Variants in PCDHGB4 observed in about 807,000 individuals in gnomAD.
PCDHGB4 encodes protocadherin gamma subfamily B, 4.
In PCDHGB4, 38 loss-of-function variants were observed where a neutral mutation model predicts 60.5. The observed-to-expected ratio is 0.63, with a 90% CI of 0.48 to 0.82. PCDHGB4 has a LOEUF of 0.82. Among genes scored for constraint, PCDHGB4 ranks in the 40% least tolerant of loss-of-function variants. The probability of loss-of-function intolerance (pLI) is 0.00; values close to 1 mark genes in which losing one functional copy is unlikely to be tolerated. For missense variants in PCDHGB4, 1,109 were observed against 1,209.6 expected (o/e 0.92, Z 1.23); for synonymous variants, 456 against 509.7 (o/e 0.89, Z 1.42).
In PCDHGB4 at chr5:141,512,223, C is replaced by G. The variant is rs1321595614; in HGVS notation, c.*1050C>G. 6.5e-6 allele frequency: 1 copy of G among 152,728 alleles called. No individual in the cohort carries two copies. The highest frequency in any genetic ancestry group is 1.5e-5 in the Non-Finnish European group (1 of 68,110). 9.5% of individuals were successfully genotyped at this position (152,728 alleles called of 1,614,324 possible). ...CTCGAAGCAGGTTTAGGACCAGGTC[C>G]CCTTGAGAGGTCAGAGGGGCCTCTG... On this transcript the variant is annotated 3_prime_UTR_variant, in exon 4 of 4. Transcript: ENST00000519479.
At chr5:141,392,654 A>G (rs2092571814) in intron 1 of PCDHGB4, 1 of 734,690 alleles carries the variant, frequency 1.4e-6, no homozygotes, top group Admixed American at 3.4e-5. Flanking sequence ...AGACCCGCAG[A>G]TGCCACAAAC....
chr5:141,489,077 C>G lies in PCDHGB4; in HGVS notation c.2398-5730C>G, dbSNP rs957205894. On this transcript the variant is annotated intron_variant, in intron 1 of 3. Coordinates refer to ENST00000519479, the MANE Select transcript of PCDHGB4 (RefSeq NM_003736.4). The surrounding 1 kb of genome is among the most constrained non-coding windows in gnomAD (Gnocchi z 4.5). The stretch of plus-strand genomic sequence containing the variant: ...AGCTCCCCTCCCCCCTGCCCACCCC[C>G]GCCACTCGGTGACTAAGAACTGCTG... 7 of 325,684 alleles carry G rather than the reference C, an allele frequency of 2.1e-5. No homozygotes were observed. Among genetic ancestry groups the G allele is most frequent in the Non-Finnish European group, 3.9e-5 (7 of 181,468 alleles). The allele number at this position is 325,684 out of a possible 1,614,324, so 20.2% of individuals were successfully genotyped here.
intron 1 of PCDHGB4, chr5:141,422,014 C>T (rs1472942387): frequency 1.9e-6 from 3 of 1,610,040 alleles, no homozygotes; most frequent in African/African-American, 1.3e-5. Flanking sequence ...AACTCGGGTG[C>T]TGATGGTTAA....
rs557973676 is a variant in PCDHGB4, at chr5:141,429,315, T to C, written c.2397+39034T>C. 9.2e-5 allele frequency among the ~76,000 whole-genome samples: 14 copies of C among 152,298 alleles called. No individual in the cohort carries two copies. In the South Asian group the frequency reaches 2.9e-3, roughly 32 times the overall value. ...ACATCAATATTTGAGTATATAAGGC[T>C]TTTTCTTTAATCCATTAACTATAAA... On this transcript the variant is annotated intron_variant, in intron 1 of 3. Transcript: ENST00000519479.
chr5:141,478,017 T>C lies in PCDHGB4; in HGVS notation c.2398-16790T>C, dbSNP rs776415195. ...GGTCAAATCAGTACTGCCCGTCCAG[T>C]CCAAGACACAGATTCACCCAGGCAG... On this transcript the variant is annotated intron_variant, in intron 1 of 3. Transcript: ENST00000519479. 15 of 1,613,910 alleles carry C rather than the reference T, an allele frequency of 9.3e-6. No homozygotes were observed. In the African/African-American group the frequency reaches 1.9e-4, roughly 20 times the overall value.
At chr5:141,413,179 G>C in intron 1 of PCDHGB4, 1 of 1,602,658 alleles carries the variant, frequency 6.2e-7, no homozygotes. Context: ...GACTACAATG[G>C]CCGCTCAAAG....
chr5:141,463,644 G>C (rs1356692609), intron 1 of PCDHGB4, among the ~76,000 whole-genome samples: 1 of 151,596 alleles, frequency 6.6e-6, no homozygotes, highest in Non-Finnish European at 1.5e-5. Context: ...GTAGAGACGG[G>C]GTTTCACCGT....
intron 1 of PCDHGB4, among the ~76,000 whole-genome samples, chr5:141,456,808 C>CA (rs1316636483): frequency 6.6e-5 from 10 of 151,878 alleles, no homozygotes; most frequent in Admixed American, 6.6e-4. Flanking sequence ...ACTAAAAATA[C>CA]AAAAAATTAG....
At position 141,432,759 on chromosome 5, in the gene PCDHGB4, G is replaced by T. The variant is rs768949018; in HGVS notation, c.2397+42478G>T. On this transcript the variant is annotated intron_variant, in intron 1 of 3. Transcript: ENST00000519479. The surrounding 1 kb of genome is among the most constrained non-coding windows in gnomAD (Gnocchi z 6.0). ...ACGCTCACCGTGGCCGTGGCCGACA[G>T]CATCCCCCAAGTCCTGGCGGACCTC... is the stretch of plus-strand genomic sequence containing the variant. The T allele has an allele frequency of 6.2e-6, 10 of 1,614,032 alleles. No homozygotes were observed. The highest frequency in any genetic ancestry group is 7.6e-6 in the Non-Finnish European group (9 of 1,180,014).
chr5:141,395,427 T>A, intron 1 of PCDHGB4: 2 of 722,004 alleles, frequency 2.8e-6, no homozygotes, highest in Non-Finnish European at 4.3e-6. Flanking sequence ...CATTTGCTTT[T>A]AAACGACTTG....
In PCDHGB4 at chr5:141,432,571, G is replaced by A. The variant is rs776214748; in HGVS notation, c.2397+42290G>A. On this transcript the variant is annotated intron_variant, in intron 1 of 3. Coordinates refer to ENST00000519479, the MANE Select transcript of PCDHGB4 (RefSeq NM_003736.4). The surrounding 1 kb of genome is among the most constrained non-coding windows in gnomAD (Gnocchi z 6.0). ...GAGACTCCGGCCAGAACGCCTGGCT[G>A]TCCTACCGTCTGCTCAAGGCCAGCG... is the stretch of plus-strand genomic sequence containing the variant. 1.2e-6 allele frequency: 2 copies of A among 1,613,954 alleles called. No homozygotes were observed. Among genetic ancestry groups the A allele is most frequent in the South Asian group, 1.1e-5 (1 of 91,068 alleles).
At position 141,487,937 on chromosome 5, in the gene PCDHGB4, T is replaced by G; in HGVS notation, c.2398-6870T>G. 2 of 603,606 alleles carry G rather than the reference T, an allele frequency of 3.3e-6. No homozygotes were observed. The highest frequency in any genetic ancestry group is 2.9e-6 in the Non-Finnish European group (1 of 345,124). 37.4% of individuals were successfully genotyped at this position (603,606 alleles called of 1,614,324 possible). ...GGAGGCTACAGTGCACAGGGTACAG[T>G]GCACCAGGCAGTCACTTGGACAAAG... On this transcript the variant is annotated intron_variant, in intron 1 of 3. Transcript: ENST00000519479. The surrounding 1 kb of genome is among the most constrained non-coding windows in gnomAD (Gnocchi z 5.0).
At chr5:141,447,768 T>C (rs1392134454) in intron 1 of PCDHGB4, among the ~76,000 whole-genome samples, 1 of 152,212 alleles carries the variant, frequency 6.6e-6, no homozygotes, top group East Asian at 1.9e-4. Context: ...ATATAAATTA[T>C]ACTTTAATTG....
At chr5:141,419,023 A>T (rs768427376) in intron 1 of PCDHGB4, 2 of 1,613,958 alleles carry the variant, frequency 1.2e-6, no homozygotes, top group Non-Finnish European at 1.7e-6. Flanking sequence ...GCTTAAGTAG[A>T]GGTGTTCCAT....
chr5:141,496,140 T>C (rs1172903212), intron 2 of PCDHGB4, among the ~76,000 whole-genome samples: 1 of 152,006 alleles, frequency 6.6e-6, no homozygotes, highest in Admixed American at 6.6e-5. Flanking sequence ...CACTGAGCCT[T>C]TGATCGCAGC....
intron 1 of PCDHGB4, chr5:141,405,358 A>T: frequency 6.2e-7 from 1 of 1,613,900 alleles, no homozygotes; most frequent in East Asian, 2.2e-5. Flanking sequence ...TTCCTATAGA[A>T]GACACCCCTT....
rs775081505 is a variant in PCDHGB4 at position 141,486,730 on chromosome 5, T to C, written c.2398-8077T>C. ...ACCCCCAGACAGGAGCTGTTCATGC[T>C]ACTCGATCCTTTGACTATGAGCAAA... On this transcript the variant is annotated intron_variant, in intron 1 of 3. Coordinates refer to ENST00000519479, the MANE Select transcript of PCDHGB4 (RefSeq NM_003736.4). This position sits in a 1 kb window ranked among gnomAD's most constrained non-coding sequence, Gnocchi z 5.0. 1 of 1,614,120 alleles carries C rather than the reference T, an allele frequency of 6.2e-7. No homozygotes were observed. Among genetic ancestry groups the C allele is most frequent in the Non-Finnish European group, 8.5e-7 (1 of 1,180,050 alleles).
chr5:141,421,665 C>G (rs1227312221), intron 1 of PCDHGB4: 4 of 1,613,854 alleles, frequency 2.5e-6, no homozygotes, highest in Non-Finnish European at 2.5e-6. Flanking sequence ...TCAGTGAGCA[C>G]GCAATTCCTG....
intron 1 of PCDHGB4, among the ~76,000 whole-genome samples, chr5:141,406,450 G>T (rs2094811564): frequency 6.6e-6 from 1 of 152,194 alleles, no homozygotes; most frequent in South Asian, 2.1e-4. Flanking sequence ...CCATTTCTAT[G>T]ACAGGAAAAC....
Sources: gnomAD v4.1 joint callset for allele counts (sites outside exome capture counted in the v4.1 genomes callset) on GRCh38, gnomAD v4.1.1 for gene constraint, Gnocchi (gnomAD v3.1) non-coding constraint, MANE v1.5 for transcripts, NCBI Gene and HGNC (gene_info 2026-07-23, HGNC 2026-07-21) for gene names.